TMEM178B: variants seen among roughly 807,000 people sequenced by gnomAD.
The protein encoded by TMEM178B is transmembrane protein 178B.
A neutral mutation model predicts 31.0 loss-of-function variants in TMEM178B; 5 were observed. The observed-to-expected ratio is 0.16, with a 90% confidence interval of 0.08 to 0.34. The LOEUF is 0.34. Ranked by LOEUF, TMEM178B falls within the 10% of genes least tolerant of loss-of-function variation. The pLI is 1.00. For missense variants in TMEM178B, 275 were observed against 400.3 expected (o/e 0.69, Z 2.67); for synonymous variants, 164 against 164.0 (o/e 1.00, Z 0.00).
At chr7:141,117,887 G>A (rs1206940441) in intron 1 of TMEM178B, among the ~76,000 whole-genome samples, 4 of 152,156 alleles carry the variant, frequency 2.6e-5, no homozygotes, top group Non-Finnish European at 5.9e-5. Flanking sequence ...TTTGGTACCA[G>A]TACCATGCTG....
intron 2 of TMEM178B, among the ~76,000 whole-genome samples, chr7:141,279,612 C>G (rs1227855434): frequency 6.6e-6 from 1 of 152,112 alleles, no homozygotes; most frequent in Non-Finnish European, 1.5e-5. Context: ...CTTAGCAAGG[C>G]AAAATCTAGC....
chr7:141,105,921 C>T (rs1479667050), intron 1 of TMEM178B, among the ~76,000 whole-genome samples: 1 of 151,868 alleles, frequency 6.6e-6, no homozygotes, highest in Non-Finnish European at 1.5e-5. Context: ...ATAGTGAAAC[C>T]CTGTGTCTAC....
intron 1 of TMEM178B, among the ~76,000 whole-genome samples, chr7:141,169,509 C>T (rs367548868): frequency 5.3e-5 from 8 of 152,228 alleles, no homozygotes; most frequent in South Asian, 4.1e-4. Context: ...AATGAATGTA[C>T]GTGTGCATGT....
chr7:141,265,689 A>G (rs1210104602), intron 2 of TMEM178B, among the ~76,000 whole-genome samples: 2 of 152,198 alleles, frequency 1.3e-5, no homozygotes. Context: ...GGGTTGGATG[A>G]AGAACAAAGA....
At chr7:141,444,731 G>C (rs1007382796) in intron 3 of TMEM178B, among the ~76,000 whole-genome samples, 15 of 152,106 alleles carry the variant, frequency 9.9e-5, no homozygotes, top group African/African-American at 3.4e-4. Flanking sequence ...TGGCAGATGA[G>C]AGCTGGAGCC....
At chr7:141,404,064 G>A (rs780419062) in intron 2 of TMEM178B, among the ~76,000 whole-genome samples, 3 of 152,190 alleles carry the variant, frequency 2.0e-5, no homozygotes, top group Non-Finnish European at 2.9e-5. Flanking sequence ...CCAGCACTCT[G>A]GGGGGCCGAG....
chr7:141,254,504 G>A lies in TMEM178B; in HGVS notation c.496+41800G>A, dbSNP rs1199194817. On this transcript the variant is annotated intron_variant, in intron 2 of 3. Transcript: ENST00000565468. ...AGGCCGAGGCGGGTGGATCACCTGA[G>A]GTCAGGAGTTCGAGACCAGCCCGGC... Among the ~76,000 whole-genome samples the A allele has an allele frequency of 4.6e-5, 7 of 152,102 alleles. No individual in the cohort carries two copies. In the East Asian group the frequency reaches 1.4e-3, roughly 29 times the overall value.
chr7:141,389,259 T>C (rs1288370822), intron 2 of TMEM178B, among the ~76,000 whole-genome samples: 1 of 152,214 alleles, frequency 6.6e-6, no homozygotes, highest in African/African-American at 2.4e-5. Flanking sequence ...CCTCTGTCAA[T>C]TACATATAAT....
chr7:141,142,611 G>A (rs1795790908), intron 1 of TMEM178B, among the ~76,000 whole-genome samples: 1 of 152,012 alleles, frequency 6.6e-6, no homozygotes, highest in Non-Finnish European at 1.5e-5. Context: ...GTTTCACTGT[G>A]TTAGCCAGGA....
At chr7:141,215,181 A>T (rs144331537) in intron 2 of TMEM178B, among the ~76,000 whole-genome samples, 2 of 152,264 alleles carry the variant, frequency 1.3e-5, no homozygotes, top group South Asian at 4.1e-4. Context: ...AGTAGAAATG[A>T]TTAAATATTA....
At chr7:141,491,106 C>T in the TMEM178B span, among the ~76,000 whole-genome samples, 2 of 152,054 alleles carry the variant, frequency 1.3e-5, no homozygotes, top group African/African-American at 4.8e-5. Context: ...TGGCTCACTG[C>T]GGCCTTGACC....
At chr7:141,099,027 T>G (rs1474184720) in intron 1 of TMEM178B, among the ~76,000 whole-genome samples, 1 of 152,216 alleles carries the variant, frequency 6.6e-6, no homozygotes, top group Non-Finnish European at 1.5e-5. Flanking sequence ...AACAAAAGTC[T>G]TCTAACTTTG....
chr7:141,125,046 C>A (rs1408364234), intron 1 of TMEM178B, among the ~76,000 whole-genome samples: 1 of 152,100 alleles, frequency 6.6e-6, no homozygotes, highest in Non-Finnish European at 1.5e-5. Flanking sequence ...ATCTGAGGCC[C>A]CCTATTGGGG....
At chr7:141,482,753 CA>C (rs1802499043), downstream of TMEM178B, among the ~76,000 whole-genome samples, 1 of 152,172 alleles carries the variant, frequency 6.6e-6, no homozygotes, top group Non-Finnish European at 1.5e-5. Context: ...GGGCAGGGTT[CA>C]GGGGAGACCA....
In TMEM178B at chr7:141,477,625, G is replaced by A. The variant is rs1164170353; in HGVS notation, c.*6839G>A. 6.6e-6 allele frequency: 1 copy of A among 152,216 alleles called. No homozygotes were observed. Among genetic ancestry groups the A allele is most frequent in the East Asian group, 1.9e-4 (1 of 5,190 alleles). The allele number at this position is 152,216 out of a possible 1,614,324, so 9.4% of individuals were successfully genotyped here. A position where few individuals can be genotyped will look rare whatever the true frequency, so the allele number is the denominator to read the frequency against. On this transcript the variant is annotated 3_prime_UTR_variant, in exon 4 of 4. Transcript: ENST00000565468. ...CTGTCACCGGCTCACTCAGGGCCTTGGGGGAGTCTCATTACCTCACCTTGT... is the reference window on the plus strand; with the variant it reads ...CTGTCACCGGCTCACTCAGGGCCTTAGGGGAGTCTCATTACCTCACCTTGT...
At chr7:141,316,228 G>T (rs368037494) in intron 2 of TMEM178B, among the ~76,000 whole-genome samples, 1 of 152,122 alleles carries the variant, frequency 6.6e-6, no homozygotes, top group Non-Finnish European at 1.5e-5. Context: ...GTGGGGCTGG[G>T]CCTATTTCTC....
chr7:141,454,861 C>T (rs1276596131), intron 3 of TMEM178B, among the ~76,000 whole-genome samples: 1 of 151,994 alleles, frequency 6.6e-6, no homozygotes, highest in African/African-American at 2.4e-5. Flanking sequence ...AGTTTGAATT[C>T]AGAAGGGTGC....
At chr7:141,348,984 C>T (rs901289030) in intron 2 of TMEM178B, among the ~76,000 whole-genome samples, 3 of 152,028 alleles carry the variant, frequency 2.0e-5, no homozygotes, top group Non-Finnish European at 4.4e-5. Context: ...ATGAAATGTT[C>T]CCACAGTGAC....
intron 3 of TMEM178B, among the ~76,000 whole-genome samples, chr7:141,452,861 TAC>T (rs200837630): frequency 9.9e-4 from 151 of 152,250 alleles, no homozygotes; most frequent in African/African-American, 3.5e-3. Context: ...GGTGAAAAAA[TAC>T]ATTGTGGCTC....
Sources: gnomAD v4.1 joint callset for allele counts (sites outside exome capture counted in the v4.1 genomes callset) on GRCh38, gnomAD v4.1.1 for gene constraint, MANE v1.5 for transcripts, NCBI Gene and HGNC (gene_info 2026-07-23, HGNC 2026-07-21) for gene names.